MTMR12: variants seen among roughly 807,000 people sequenced by gnomAD.
MTMR12 encodes myotubularin-related protein 12.
Under a neutral mutation model 96.7 loss-of-function variants are expected in MTMR12, and 33 were observed. The ratio of observed to expected loss-of-function variants is 0.34; its 90% CI spans 0.26 to 0.46. The LOEUF (loss-of-function observed/expected upper bound fraction) is 0.46, where lower values mean the gene tolerates loss of function less well. Among genes scored for constraint, MTMR12 ranks in the 20% least tolerant of loss-of-function variants. MTMR12 has a pLI of 1.00. For synonymous variants in MTMR12, 298 were observed against 327.2 expected (o/e 0.91, Z 0.96); for missense variants, 721 against 896.1 (o/e 0.80, Z 2.49).
At position 32,295,245 on chromosome 5, in the gene MTMR12, C is replaced by A. The variant is rs76742834; in HGVS notation, c.81+17513G>T. On this transcript the variant is annotated intron_variant, in intron 1 of 15. Coordinates refer to ENST00000382142, the MANE Select transcript of MTMR12 (RefSeq NM_001040446.3). ...TGCTGCTGACCACAGCTCTATTCCA[C>A]TAGCTATATACTTTCGGCAGTTACA... 3.2e-4 allele frequency among the ~76,000 whole-genome samples: 48 copies of A among 152,344 alleles called. No individual in the cohort carries two copies. In the East Asian group the frequency reaches 8.5e-3, roughly 27 times the overall value.
chr5:32,279,920 C>T (rs1750225712), intron 1 of MTMR12, among the ~76,000 whole-genome samples: 1 of 152,238 alleles, frequency 6.6e-6, no homozygotes, highest in Non-Finnish European at 1.5e-5. Flanking sequence ...CTGCCCCCTA[C>T]TCCTACATTC....
Position 32,233,994 on chromosome 5 carries a change from T to C in MTMR12, c.1513-60A>G. ...GGGAGGGCTGAGGAAGGCAAACACATACTTCTGGACACAGGCACCAGGAAG... is the reference window on the plus strand; with the variant it reads ...GGGAGGGCTGAGGAAGGCAAACACACACTTCTGGACACAGGCACCAGGAAG... On this transcript the variant is annotated intron_variant, in intron 14 of 15. Coordinates refer to ENST00000382142, the MANE Select transcript of MTMR12 (RefSeq NM_001040446.3). The surrounding 1 kb of genome is among the most constrained non-coding windows in gnomAD (Gnocchi z 5.0). The C allele has an allele frequency of 6.3e-7, 1 of 1,597,604 alleles. No individual in the cohort carries two copies. The highest frequency in any genetic ancestry group is 8.6e-7 in the Non-Finnish European group (1 of 1,167,164).
In MTMR12 at chr5:32,263,226, G is replaced by C; in HGVS notation, c.600C>G (p.Asn200Lys). The change falls in exon 7 of 16, where the codon AAC becomes AAG. Residue 200 changes from asparagine (N) to lysine (K), a missense_variant. By Grantham distance (94) the Asn-to-Lys change is moderately conservative (BLOSUM62 0). Transcript: ENST00000382142. ...TAAGTGTGTCAAACATTACGGTATG[G>C]TTCTTGGGATCAGTGACTAAGAGAA... The part of the protein sequence containing the change: ...AQNNTVTDPK[N>K]HTVMFDTLKD... The C allele has an allele frequency of 6.2e-7, 1 of 1,614,056 alleles. No homozygotes were observed. The highest frequency in any genetic ancestry group is 1.3e-5 in the African/African-American group (1 of 75,012).
rs1269694403 is a variant in MTMR12, at chr5:32,276,699, G to T, written c.125C>A (p.Thr42Asn). 4 of 1,613,770 alleles carry T rather than the reference G, an allele frequency of 2.5e-6. No homozygotes were observed. Among genetic ancestry groups the T allele is most frequent in the Non-Finnish European group, 3.4e-6 (4 of 1,179,812 alleles). The change falls in exon 2 of 16, where the codon ACT becomes AAT. Residue 42 changes from threonine to asparagine, a missense_variant. By Grantham distance (65) the Thr-to-Asn change is moderately conservative. Transcript: ENST00000382142. ...NEKEVTEKEV[T>N]LHLLPGEQLL... ...ACAGTTACCTGGCAACAAGTGAAGA[G>T]TTACTTCCTTCTCTGTTACTTCCTT...
intron 13 of MTMR12, among the ~76,000 whole-genome samples, chr5:32,235,434 G>A (rs773757302): frequency 1.1e-4 from 16 of 152,134 alleles, no homozygotes; most frequent in Non-Finnish European, 2.2e-4. Flanking sequence ...CACTAACTTA[G>A]AACCCCAATT....
intron 10 of MTMR12, among the ~76,000 whole-genome samples, chr5:32,244,648 G>C (rs369853118): frequency 4.3e-4 from 65 of 152,266 alleles, no homozygotes; most frequent in East Asian, 2.1e-3. Context: ...AGATATCCCT[G>C]AAAGTCCTGA....
intron 1 of MTMR12, among the ~76,000 whole-genome samples, chr5:32,287,652 C>T (rs1750589705): frequency 6.6e-6 from 1 of 152,134 alleles, no homozygotes; most frequent in African/African-American, 2.4e-5. Flanking sequence ...GGCATTCTTT[C>T]ATTTGTCGTG....
chr5:32,278,404 G>A (rs577048477), intron 1 of MTMR12, among the ~76,000 whole-genome samples: 1 of 152,136 alleles, frequency 6.6e-6, no homozygotes, highest in East Asian at 1.9e-4. Flanking sequence ...TTTGGTAGAA[G>A]GCCCTGGGTG....
At chr5:32,277,218 C>T (rs150487715) in intron 1 of MTMR12, among the ~76,000 whole-genome samples, 4 of 152,146 alleles carry the variant, frequency 2.6e-5, no homozygotes, top group African/African-American at 9.6e-5. Context: ...AGGAAGTGTT[C>T]TAACTAAAGG....
intron 6 of MTMR12, 68 bp downstream of exon 6, chr5:32,268,633 C>T (rs1749702243): frequency 1.5e-6 from 2 of 1,332,928 alleles, no homozygotes; most frequent in Middle Eastern, 1.8e-4. Flanking sequence ...GTGTTCTCCC[C>T]CACTGGCTTC....
At chr5:32,237,732 G>C (rs1289468804) in intron 13 of MTMR12, among the ~76,000 whole-genome samples, 1 of 151,936 alleles carries the variant, frequency 6.6e-6, no homozygotes, top group South Asian at 2.1e-4. Flanking sequence ...GGATGGTGTC[G>C]ACCTCCTGAC....
chr5:32,265,696 G>A (rs1749561907), intron 6 of MTMR12, among the ~76,000 whole-genome samples: 1 of 152,168 alleles, frequency 6.6e-6, no homozygotes, highest in African/African-American at 2.4e-5. Context: ...ATATTACTGG[G>A]AAGTGTATTT....
Position 32,312,912 on chromosome 5 carries a change from G to C in MTMR12, c.-74C>G. ...GGGCTCCAGCTGGGGCAGCAGCGGC[G>C]GCCACCAGCACTAGCGGCTGGGGCT... On this transcript the variant is annotated 5_prime_UTR_variant, in exon 1 of 16. Transcript: ENST00000382142. The surrounding 1 kb of genome is among the most constrained non-coding windows in gnomAD (Gnocchi z 5.0). The C allele has an allele frequency of 1.5e-6, 2 of 1,371,150 alleles. No individual in the cohort carries two copies. The highest frequency in any genetic ancestry group is 9.6e-7 in the Non-Finnish European group (1 of 1,041,432). 84.9% of individuals were successfully genotyped at this position (1,371,150 alleles called of 1,614,324 possible).
intron 15 of MTMR12, among the ~76,000 whole-genome samples, chr5:32,232,565 G>A (rs1748040471): frequency 6.6e-6 from 1 of 152,212 alleles, no homozygotes. Context: ...GAGGTCCCCT[G>A]CCACTCTGGC....
chr5:32,291,696 T>C (rs889645816), intron 1 of MTMR12, among the ~76,000 whole-genome samples: 1 of 152,042 alleles, frequency 6.6e-6, no homozygotes, highest in Non-Finnish European at 1.5e-5. Context: ...GGGATGGAGG[T>C]TACGCATCAG....
In MTMR12 at chr5:32,235,085, C is replaced by T; in HGVS notation, c.1389G>A (p.Val463=). The T allele has an allele frequency of 6.2e-7, 1 of 1,613,976 alleles. No individual in the cohort carries two copies. Among genetic ancestry groups the T allele is most frequent in the Non-Finnish European group, 8.5e-7 (1 of 1,179,948 alleles). Residue 463 remains valine (V), a synonymous_variant, in exon 14 of 16, where the codon GTG becomes GTA. Coordinates refer to ENST00000382142, the MANE Select transcript of MTMR12 (RefSeq NM_001040446.3). ...ATTCAAATGCCGGGGGATGCTGGTGCACCAGCTGCCAGACACAATCTAGGA... is the reference window on the plus strand; with the variant it reads ...ATTCAAATGCCGGGGGATGCTGGTGTACCAGCTGCCAGACACAATCTAGGA... ...LLFLDCVWQL[V]HQHPPAFEFT...
chr5:32,265,358 T>C (rs1360417568), intron 6 of MTMR12, among the ~76,000 whole-genome samples: 1 of 152,200 alleles, frequency 6.6e-6, no homozygotes, highest in African/African-American at 2.4e-5. Flanking sequence ...GTAATGAAAC[T>C]GCCAAGGTCG....
chr5:32,231,805 C>T (rs1350492157), intron 15 of MTMR12, among the ~76,000 whole-genome samples: 2 of 152,204 alleles, frequency 1.3e-5, no homozygotes, highest in Non-Finnish European at 2.9e-5. Flanking sequence ...TCAGGCAGGG[C>T]AGGGACTACA....
chr5:32,229,792 G>A lies in MTMR12; in HGVS notation c.2230C>T (p.Leu744=). Residue 744 remains leucine, a synonymous_variant, in exon 16 of 16, where the codon CTA becomes TTA. Coordinates refer to ENST00000382142, the MANE Select transcript of MTMR12 (RefSeq NM_001040446.3). The stretch of plus-strand genomic sequence containing the variant: ...CAACAAACAGGTCACACATCCCCTA[G>A]GTCCACGAACTCATCTTCTCGTTTG... ...LAKREDEFVD[L]GDV is the part of the protein sequence containing the mutation. 2.0e-6 allele frequency: 3 copies of A among 1,537,776 alleles called. No individual in the cohort carries two copies. Among genetic ancestry groups the A allele is most frequent in the Non-Finnish European group, 2.6e-6 (3 of 1,142,448 alleles).
Sources: allele counts gnomAD v4.1 joint callset (sites outside exome capture counted in the v4.1 genomes callset), GRCh38; gene constraint gnomAD v4.1.1; non-coding constraint Gnocchi (gnomAD v3.1); transcripts MANE v1.5; gene names NCBI Gene and HGNC (gene_info 2026-07-23, HGNC 2026-07-21).